ADAMTS2: variants seen among roughly 807,000 people sequenced by gnomAD.
The protein encoded by ADAMTS2 is A disintegrin and metalloproteinase with thrombospondin motifs 2.
ADAMTS2 carries 50 observed loss-of-function variants against 123.0 expected under a neutral mutation model. The observed-to-expected ratio is 0.41, with a 90% CI of 0.32 to 0.51. The LOEUF is 0.51. Among genes scored for constraint, ADAMTS2 ranks in the 20% least tolerant of loss-of-function variants. The pLI is 0.35. For missense variants in ADAMTS2, 1,494 were observed against 1,705.2 expected, an observed-to-expected ratio of 0.88 and a Z score of 2.18; for synonymous variants, 678 against 695.4, an observed-to-expected ratio of 0.98 and a Z score of 0.39.
chr5:179,302,914 G>C (rs1756570904), intron 2 of ADAMTS2, among the ~76,000 whole-genome samples: 1 of 149,322 alleles, frequency 6.7e-6, no homozygotes, highest in Non-Finnish European at 1.5e-5. Context: ...GTGGAGTGTG[G>C]AGAGCAAAGG....
chr5:179,127,933 G>A, intron 17 of ADAMTS2, 26 bp downstream of exon 17: 1 of 1,612,770 alleles, frequency 6.2e-7, no homozygotes, highest in South Asian at 1.1e-5. Context: ...ATGTCACCCA[G>A]GTCCCCAGCT....
intron 10 of ADAMTS2, among the ~76,000 whole-genome samples, chr5:179,146,795 C>A (rs1581151876): frequency 6.6e-6 from 1 of 151,922 alleles, no homozygotes; most frequent in Non-Finnish European, 1.5e-5. Flanking sequence ...AGTTTCATAT[C>A]CCATTAATTT....
chr5:179,140,498 A>C (rs1763145434), intron 10 of ADAMTS2, among the ~76,000 whole-genome samples: 1 of 152,218 alleles, frequency 6.6e-6, no homozygotes, highest in African/African-American at 2.4e-5. Flanking sequence ...CATGGTAAAA[A>C]CCAGGAATAA....
chr5:179,319,135 G>T (rs1357775252), intron 2 of ADAMTS2, among the ~76,000 whole-genome samples: 1 of 151,938 alleles, frequency 6.6e-6, no homozygotes, highest in Non-Finnish European at 1.5e-5. Flanking sequence ...ATGTCCATAC[G>T]CATCACATGC....
rs1457732582 is a variant in ADAMTS2 at position 179,197,711 on chromosome 5, A to G, written c.891+9802T>C. 6.6e-6 allele frequency among the ~76,000 whole-genome samples: 1 copy of G among 152,190 alleles called. No individual in the cohort carries two copies. Among genetic ancestry groups the G allele is most frequent in the African/African-American group, 2.4e-5 (1 of 41,448 alleles). ...GACTGAGTGAGACCCTGTCTCAAAA[A>G]AGAAAAAAATGCATATATAAACATA... On this transcript the variant is annotated intron_variant, in intron 4 of 21. Coordinates refer to ENST00000251582, the MANE Select transcript of ADAMTS2 (RefSeq NM_014244.5). This position sits in a 1 kb window ranked among gnomAD's most constrained non-coding sequence, Gnocchi z 4.2.
At position 179,308,159 on chromosome 5, in the gene ADAMTS2, G is replaced by T. The variant is rs1022528920; in HGVS notation, c.535-35095C>A. Among the ~76,000 whole-genome samples the T allele has an allele frequency of 4.6e-5, 7 of 152,206 alleles. No individual in the cohort carries two copies. The highest frequency in any genetic ancestry group is 1.7e-4 in the African/African-American group (7 of 41,446). On this transcript the variant is annotated intron_variant, in intron 2 of 21. Transcript: ENST00000251582. This position sits in a 1 kb window ranked among gnomAD's most constrained non-coding sequence, Gnocchi z 6.6. ...GAGCGACAACAAGGAGAAAACAGGG[G>T]TTTAAGTGGAGGATCCGGTGCTCTG...
At chr5:179,247,930 T>C (rs1364006918) in intron 3 of ADAMTS2, among the ~76,000 whole-genome samples, 9 of 152,184 alleles carry the variant, frequency 5.9e-5, no homozygotes, top group Admixed American at 5.9e-4. Context: ...CAAAGCCATA[T>C]GATGAAATGA....
intron 2 of ADAMTS2, among the ~76,000 whole-genome samples, chr5:179,297,094 C>T (rs552781509): frequency 6.6e-5 from 10 of 152,198 alleles, no homozygotes; most frequent in East Asian, 1.9e-4. Flanking sequence ...AACCAAGGGC[C>T]GCAGCATCTG....
intron 2 of ADAMTS2, among the ~76,000 whole-genome samples, chr5:179,337,769 C>T (rs1222371636): frequency 6.6e-6 from 1 of 152,146 alleles, no homozygotes; most frequent in Non-Finnish European, 1.5e-5. Flanking sequence ...AGCGGATGTC[C>T]CTGGCTGATT....
intron 2 of ADAMTS2, among the ~76,000 whole-genome samples, chr5:179,326,230 G>GTGTC (rs1554098401): frequency 6.8e-6 from 1 of 147,794 alleles, no homozygotes; most frequent in Non-Finnish European, 1.5e-5. Flanking sequence ...GTGTGTGTGT[G>GTGTC]TCCACCCCCA....
At chr5:179,198,216 G>A (rs1165598616) in intron 4 of ADAMTS2, among the ~76,000 whole-genome samples, 2 of 152,238 alleles carry the variant, frequency 1.3e-5, no homozygotes, top group Non-Finnish European at 2.9e-5. Context: ...GCAACGCAAG[G>A]TGGAGGCTGC....
intron 10 of ADAMTS2, among the ~76,000 whole-genome samples, chr5:179,140,455 T>C (rs530240124): frequency 5.3e-5 from 8 of 152,184 alleles, no homozygotes; most frequent in African/African-American, 1.9e-4. Context: ...TTAGAGGAAA[T>C]ACTATGGAAA....
At position 179,303,679 on chromosome 5, in the gene ADAMTS2, C is replaced by T. The variant is rs1472642840; in HGVS notation, c.535-30615G>A. Reference sequence around the variant, plus strand: ...TTCTTTTCTTCGTGTTCTCACACGCCAGCTCATGGCAGCCCACAGGCACCT... The same window carrying T: ...TTCTTTTCTTCGTGTTCTCACACGCTAGCTCATGGCAGCCCACAGGCACCT... On this transcript the variant is annotated intron_variant, in intron 2 of 21. Transcript: ENST00000251582. This position sits in a 1 kb window ranked among gnomAD's most constrained non-coding sequence, Gnocchi z 4.7. Among the ~76,000 whole-genome samples, 1 of 152,210 alleles carries T rather than the reference C, an allele frequency of 6.6e-6. No individual in the cohort carries two copies. Among genetic ancestry groups the T allele is most frequent in the African/African-American group, 2.4e-5 (1 of 41,438 alleles).
Position 179,308,552 on chromosome 5 carries a change from CT to C in ADAMTS2, c.534+35214del, listed in dbSNP as rs1468190199. Among the ~76,000 whole-genome samples, 1 of 152,138 alleles carries C rather than the reference CT, an allele frequency of 6.6e-6. No individual in the cohort carries two copies. Among genetic ancestry groups the C allele is most frequent in the East Asian group, 1.9e-4 (1 of 5,188 alleles). On this transcript the variant is annotated intron_variant, in intron 2 of 21. Coordinates refer to ENST00000251582, the MANE Select transcript of ADAMTS2 (RefSeq NM_014244.5). The surrounding 1 kb of genome is among the most constrained non-coding windows in gnomAD (Gnocchi z 6.6). Reference sequence around the variant, plus strand: ...CCTGCAGGCCCCCATAATAGACAGCCTCATTTTTTTTTTCTAGGCAAAACTT... The same window carrying C: ...CCTGCAGGCCCCCATAATAGACAGCCCATTTTTTTTTTCTAGGCAAAACTT...
At chr5:179,214,363 A>G (rs662407) in intron 3 of ADAMTS2, among the ~76,000 whole-genome samples, 37,071 of 151,950 alleles carry the variant, frequency 0.24, 4,597 homozygotes, top group Non-Finnish European at 0.27. Flanking sequence ...TAAAAGCACC[A>G]TTCTAATAGG....
At chr5:179,239,720 G>C (rs767271035) in intron 3 of ADAMTS2, among the ~76,000 whole-genome samples, 9 of 152,114 alleles carry the variant, frequency 5.9e-5, no homozygotes, top group Non-Finnish European at 1.3e-4. Flanking sequence ...GGGTGCAGAG[G>C]GAGACCAAGG....
In ADAMTS2 at chr5:179,332,979, C is replaced by A. The variant is rs189638368; in HGVS notation, c.534+10788G>T. 3.3e-5 allele frequency among the ~76,000 whole-genome samples: 5 copies of A among 152,334 alleles called. No homozygotes were observed. Among genetic ancestry groups the A allele is most frequent in the Admixed American group, 2.6e-4 (4 of 15,308 alleles). On this transcript the variant is annotated intron_variant, in intron 2 of 21. Transcript: ENST00000251582. The surrounding 1 kb of genome is among the most constrained non-coding windows in gnomAD (Gnocchi z 4.2). ...GCTACTGCCCTGGGAGCCCTCACCC[C>A]CTTATCCTGCCCGCTTGCCTGTGAG...
At chr5:179,255,977 G>A (rs547222148) in intron 3 of ADAMTS2, among the ~76,000 whole-genome samples, 14 of 152,152 alleles carry the variant, frequency 9.2e-5, no homozygotes, top group Non-Finnish European at 1.5e-4. Flanking sequence ...GTAGGCCCTG[G>A]GGTCTGCCTA....
intron 4 of ADAMTS2, among the ~76,000 whole-genome samples, chr5:179,196,846 A>T (rs921748103): frequency 4.6e-5 from 7 of 152,236 alleles, no homozygotes. Flanking sequence ...TGTAGCACAA[A>T]AATGGCCACA....
Sources: allele counts gnomAD v4.1 joint callset (sites outside exome capture counted in the v4.1 genomes callset), GRCh38; gene constraint gnomAD v4.1.1; non-coding constraint Gnocchi (gnomAD v3.1); transcripts MANE v1.5; gene names NCBI Gene and HGNC (gene_info 2026-07-23, HGNC 2026-07-21).